Variants in MYBPC2 observed in about 807,000 individuals in gnomAD.
The protein encoded by MYBPC2 is myosin binding protein C2.
Under a neutral mutation model 137.0 loss-of-function variants are expected in MYBPC2, and 122 were observed. The observed-to-expected ratio is 0.89, with a 90% CI of 0.77 to 1.03. The LOEUF (loss-of-function observed/expected upper bound fraction) is 1.03. MYBPC2 is among the 50% of genes least tolerant of loss of function. The pLI, the probability that MYBPC2 is intolerant of heterozygous loss-of-function variation, is 0.00. For missense variants in MYBPC2, 1,500 were observed against 1,534.4 expected (o/e 0.98, Z 0.37); for synonymous variants, 626 against 612.3 (o/e 1.02, Z -0.33).
In MYBPC2 at chr19:50,435,828, C is replaced by T. The variant is rs1446207571; in HGVS notation, c.162C>T (p.Phe54=). ...CTGCAGAGGAGCCCACCGGCGTTTTCCTGAAGAAGCCGGACTCCGTCTCAG... is the reference window on the plus strand; with the variant it reads ...CTGCAGAGGAGCCCACCGGCGTTTTTCTGAAGAAGCCGGACTCCGTCTCAG... The part of the protein sequence containing the change: ...SPTAEEPTGV[F]LKKPDSVSVE... Residue 54 remains phenylalanine, a synonymous_variant, in exon 3 of 28, where the codon TTC becomes TTT. Transcript: ENST00000357701. The surrounding 1 kb of genome is among the most constrained non-coding windows in gnomAD (Gnocchi z 4.8). The T allele has an allele frequency of 3.1e-6, 5 of 1,607,932 alleles. No individual in the cohort carries two copies. The African/African-American group carries it at 6.7e-5, about 21-fold the overall frequency.
chr19:50,465,978 C>T lies in MYBPC2; in HGVS notation c.3416-217C>T, dbSNP rs977640156. Among the ~76,000 whole-genome samples, 2 of 152,206 alleles carry T rather than the reference C, an allele frequency of 1.3e-5. No homozygotes were observed. Among genetic ancestry groups the T allele is most frequent in the African/African-American group, 4.8e-5 (2 of 41,460 alleles). ...GCCTCAGGATTCCAGTGACCGCGTA[C>T]AGCCAGCAGCTCAGAATGTCCCCAT... On this transcript the variant is annotated intron_variant, in intron 27 of 27. Coordinates refer to ENST00000357701, the MANE Select transcript of MYBPC2 (RefSeq NM_004533.4). The surrounding 1 kb of genome is among the most constrained non-coding windows in gnomAD (Gnocchi z 4.5).
intron 20 of MYBPC2, among the ~76,000 whole-genome samples, chr19:50,457,266 C>T (rs2039922187): frequency 6.6e-6 from 1 of 152,228 alleles, no homozygotes; most frequent in Admixed American, 6.5e-5. Flanking sequence ...TGGCCGGCTG[C>T]TCCCACCCTG....
In MYBPC2 at chr19:50,435,666, T is replaced by G; in HGVS notation, c.110-110T>G. The G allele has an allele frequency of 1.1e-6, 1 of 900,414 alleles. No homozygotes were observed. Among genetic ancestry groups the G allele is most frequent in the Non-Finnish European group, 1.7e-6 (1 of 599,670 alleles). The allele number at this position is 900,414 out of a possible 1,614,324, so 55.8% of individuals were successfully genotyped here. On this transcript the variant is annotated intron_variant, in intron 2 of 27. Coordinates refer to ENST00000357701, the MANE Select transcript of MYBPC2 (RefSeq NM_004533.4). This position sits in a 1 kb window ranked among gnomAD's most constrained non-coding sequence, Gnocchi z 4.8. The stretch of plus-strand genomic sequence containing the variant: ...CCATTTAACCCCCATGATGTTTGGT[T>G]TCTGAGTAGAGGGGCCCTCACTGTC...
At chr19:50,449,170 G>A (rs2039834147) in intron 13 of MYBPC2, among the ~76,000 whole-genome samples, 1 of 152,116 alleles carries the variant, frequency 6.6e-6, no homozygotes, top group Admixed American at 6.5e-5. Flanking sequence ...GCAACATAGT[G>A]AGACACTCTC....
In MYBPC2 at chr19:50,436,156, G is replaced by C. The variant is rs2039701812; in HGVS notation, c.341G>C (p.Ser114Thr). The change falls in exon 4 of 28, where the codon AGC becomes ACC. Residue 114 changes from serine to threonine, a missense_variant. Ser to Thr is a moderately conservative substitution (Grantham distance 58, BLOSUM62 1). Transcript: ENST00000357701. ...TTCAAGGAGTCCCACAACTCCGCCAGCAATGTGAGGACCCCGTGGGCCAGA... is the reference window on the plus strand; with the variant it reads ...TTCAAGGAGTCCCACAACTCCGCCACCAATGTGAGGACCCCGTGGGCCAGA... ...FSFKESHNSA[S>T]NVYTVELHIG... 1.9e-6 allele frequency: 3 copies of C among 1,581,420 alleles called. No homozygotes were observed. The highest frequency in any genetic ancestry group is 1.3e-5 in the African/African-American group (1 of 74,316).
chr19:50,437,597 T>C (rs1164970397), intron 6 of MYBPC2, 62 bp from the exon 7 acceptor site: 2 of 1,591,396 alleles, frequency 1.3e-6, no homozygotes, highest in East Asian at 2.3e-5. Flanking sequence ...AAAGGGAGGA[T>C]TGGGGAAGGC....
chr19:50,458,659 G>T lies in MYBPC2; in HGVS notation c.2411G>T (p.Gly804Val). Residue 804 changes from glycine (G) to valine (V), a missense_variant, in exon 21 of 28, where the codon GGA (glycine) becomes GTA (valine). Physicochemically the swap from Gly to Val is moderately radical, Grantham distance 109 (BLOSUM62 -3). Transcript: ENST00000357701. Reference protein sequence around the residue: ...CGFTVKNLPTGARILFRVVGV... With the variant: ...CGFTVKNLPTVARILFRVVGV... ...TTCACCGTCAAGAATCTCCCGACCG[G>T]AGCCAGAATCCTCTTCCGAGTAGTT... 6.2e-7 allele frequency: 1 copy of T among 1,612,758 alleles called. No individual in the cohort carries two copies. The highest frequency in any genetic ancestry group is 8.5e-7 in the Non-Finnish European group (1 of 1,179,896).
chr19:50,436,426 A>G (rs953462532), intron 4 of MYBPC2, among the ~76,000 whole-genome samples, 191 bp from the exon 5 acceptor site: 1 of 152,204 alleles, frequency 6.6e-6, no homozygotes, highest in Admixed American at 6.5e-5. Context: ...CCTGGGCCCC[A>G]GAAGTCCTGA....
rs770088749 is a variant in MYBPC2, at chr19:50,455,498, G to A, written c.2204-12G>A. On this transcript the variant is annotated splice_polypyrimidine_tract_variant and intron_variant, in intron 19 of 27. Transcript: ENST00000357701. Reference sequence around the variant, plus strand: ...CATTCCCCCCATATCCTCTTTTTCTGGATGCTTGCAGCACCCACGAGTGAA... The same window carrying A: ...CATTCCCCCCATATCCTCTTTTTCTAGATGCTTGCAGCACCCACGAGTGAA... The A allele has an allele frequency of 1.2e-6, 2 of 1,607,584 alleles. No individual in the cohort carries two copies. Among genetic ancestry groups the A allele is most frequent in the South Asian group, 1.1e-5 (1 of 90,788 alleles).
Position 50,432,995 on chromosome 19 carries a change from G to T in MYBPC2, c.19+23G>T, listed in dbSNP as rs775479408. ...CAGGTGGCGCCAGGACCCCCTCCCT[G>T]TGTGGGGATGGGGCTCTTCTTTTCT... On this transcript the variant is annotated intron_variant, in intron 1 of 27. Coordinates refer to ENST00000357701, the MANE Select transcript of MYBPC2 (RefSeq NM_004533.4). The surrounding 1 kb of genome is among the most constrained non-coding windows in gnomAD (Gnocchi z 5.5). 1.9e-6 allele frequency: 3 copies of T among 1,585,650 alleles called. No homozygotes were observed. The highest frequency in any genetic ancestry group is 1.2e-5 in the South Asian group (1 of 86,846).
chr19:50,456,267 A>C, intron 20 of MYBPC2, among the ~76,000 whole-genome samples: 1 of 131,450 alleles, frequency 7.6e-6, no homozygotes, highest in Non-Finnish European at 1.6e-5. Context: ...CCATCCCTCC[A>C]TTTGTCCATC....
At chr19:50,452,272 T>C (rs1380018887) in intron 16 of MYBPC2, among the ~76,000 whole-genome samples, 2 of 152,208 alleles carry the variant, frequency 1.3e-5, no homozygotes, top group African/African-American at 2.4e-5. Context: ...CATCCGCCCA[T>C]CCAGCTGATG....
intron 5 of MYBPC2, among the ~76,000 whole-genome samples, 169 bp from the exon 6 acceptor site, chr19:50,437,304 G>A (rs1484534605): frequency 6.6e-6 from 1 of 152,068 alleles, no homozygotes; most frequent in East Asian, 1.9e-4. Flanking sequence ...AAATGAGTAT[G>A]AGCTGGTCTA....
Position 50,435,807 on chromosome 19 carries a change from A to G in MYBPC2, c.141A>G (p.Ala47=). The G allele has an allele frequency of 1.2e-6, 2 of 1,611,924 alleles. No homozygotes were observed. The highest frequency in any genetic ancestry group is 1.7e-6 in the Non-Finnish European group (2 of 1,178,988). The change falls in exon 3 of 28, where the codon GCA becomes GCG. Residue 47 remains alanine (A), a synonymous_variant. Transcript: ENST00000357701. The surrounding 1 kb of genome is among the most constrained non-coding windows in gnomAD (Gnocchi z 4.8). ...EAPPEDQSPT[A]EEPTGVFLKK... is the part of the protein sequence containing the mutation. ...CACCCGAGGACCAGTCCCCGACTGC[A>G]GAGGAGCCCACCGGCGTTTTCCTGA...
intron 20 of MYBPC2, among the ~76,000 whole-genome samples, chr19:50,456,338 G>A (rs1293451563): frequency 2.3e-5 from 3 of 131,598 alleles, no homozygotes; most frequent in Non-Finnish European, 4.8e-5. Flanking sequence ...CCATCCGTCT[G>A]TCCATCCATC....
chr19:50,447,397 A>T (rs1304047690), intron 12 of MYBPC2, among the ~76,000 whole-genome samples: 1 of 152,300 alleles, frequency 6.6e-6, no homozygotes, highest in South Asian at 2.1e-4. Context: ...TTATGGGTCA[A>T]ACAAATGATG....
At position 50,443,591 on chromosome 19, in the gene MYBPC2, A is replaced by AAGTGTTTCAC; in HGVS notation, c.1001_1010dup (p.Glu338ValfsTer19). On this transcript the variant is annotated frameshift_variant, in exon 10 of 28. Coordinates refer to ENST00000357701, the MANE Select transcript of MYBPC2 (RefSeq NM_004533.4). LOFTEE classifies it high-confidence loss of function. ...CTATGAAGTAGCTGTCAAGGATGAGAAGTGTTTCACCGAGCTCTTCGTCAA... is the reference window on the plus strand; with the variant it reads ...CTATGAAGTAGCTGTCAAGGATGAGAAGTGTTTCACAGTGTTTCACCGAGCTCTTCGTCAA... 6.2e-7 allele frequency: 1 copy of AAGTGTTTCAC among 1,613,344 alleles called. No individual in the cohort carries two copies. Among genetic ancestry groups the AAGTGTTTCAC allele is most frequent in the Non-Finnish European group, 8.5e-7 (1 of 1,179,608 alleles).
At chr19:50,461,855 G>A in intron 25 of MYBPC2, 45 bp from the exon 26 acceptor site, 1 of 1,581,432 alleles carries the variant, frequency 6.3e-7, no homozygotes, top group Non-Finnish European at 8.6e-7. Flanking sequence ...GGTGTCAGGG[G>A]AGAATCTAGA....
chr19:50,446,436 C>A (rs1357941104), intron 12 of MYBPC2, among the ~76,000 whole-genome samples: 1 of 151,586 alleles, frequency 6.6e-6, no homozygotes, highest in African/African-American at 2.4e-5. Context: ...TTGCTTGAAC[C>A]CAGGAGGCGG....
Sources: allele counts gnomAD v4.1 joint callset (sites outside exome capture counted in the v4.1 genomes callset), GRCh38; gene constraint gnomAD v4.1.1; non-coding constraint Gnocchi (gnomAD v3.1); transcripts MANE v1.5; gene names NCBI Gene and HGNC (gene_info 2026-07-23, HGNC 2026-07-21).